The following DPP4 variants were observed in gnomAD, a reference collection of about 807,000 sequenced individuals.
DPP4 encodes the protein dipeptidyl peptidase 4.
In DPP4, 93 loss-of-function variants were observed where a neutral mutation model predicts 122.4. That is an observed-to-expected ratio of 0.76 (90% CI 0.64 to 0.90). The LOEUF is 0.90. Among genes scored for constraint, DPP4 ranks in the 40% least tolerant of loss-of-function variants. The pLI is 0.00. For missense variants in DPP4, 914 were observed against 907.3 expected, an observed-to-expected ratio of 1.01 and a Z score of -0.09; for synonymous variants, 321 against 302.9, an observed-to-expected ratio of 1.06 and a Z score of -0.62.
chr2:162,022,939 G>T, intron 11 of DPP4, 140 bp from the exon 12 acceptor site: 1 of 893,202 alleles, frequency 1.1e-6, no homozygotes. Flanking sequence ...ATTTATGTTA[G>T]TATTTTTCAA....
chr2:162,018,234 C>A (rs943781754), intron 16 of DPP4, among the ~76,000 whole-genome samples: 1 of 152,170 alleles, frequency 6.6e-6, no homozygotes, highest in Admixed American at 6.5e-5. Context: ...AGGGATGGCT[C>A]GGGCGGCAGA....
At chr2:162,027,855 G>C (rs932666483) in intron 10 of DPP4, among the ~76,000 whole-genome samples, 1 of 152,088 alleles carries the variant, frequency 6.6e-6, no homozygotes, top group South Asian at 2.1e-4. Context: ...CCCATTTTCA[G>C]ATCAAAGGTT....
chr2:162,009,476 G>C (rs982540789), intron 20 of DPP4, among the ~76,000 whole-genome samples, 181 bp from the exon 21 acceptor site: 1 of 151,314 alleles, frequency 6.6e-6, no homozygotes, highest in Non-Finnish European at 1.5e-5. Flanking sequence ...CTAAGATCCA[G>C]ATGAACATGG....
chr2:162,046,638 C>T (rs1235063924), intron 4 of DPP4: 1 of 522,140 alleles, frequency 1.9e-6, no homozygotes, highest in African/African-American at 1.9e-5. Context: ...ATGAAATTCA[C>T]CAAAGGAGAG....
Position 162,033,624 on chromosome 2 carries a change from G to C in DPP4, c.804C>G (p.Phe268Leu). The change falls in exon 10 of 26, where the codon TTC becomes TTG. Residue 268 changes from phenylalanine to leucine, a missense_variant. Coordinates refer to ENST00000360534, the MANE Select transcript of DPP4 (RefSeq NM_001935.4). ...TGAGAGAGTCTGTATTTACAACAAA[G>C]AACTTTACAGTTGGATTCACAGCTC... Reference protein sequence around the residue: ...KAGAVNPTVKFFVVNTDSLSS... With the variant: ...KAGAVNPTVKLFVVNTDSLSS... The C allele has an allele frequency of 1.2e-6, 2 of 1,608,248 alleles. No individual in the cohort carries two copies. Among genetic ancestry groups the C allele is most frequent in the East Asian group, 2.3e-5 (1 of 44,330 alleles).
Position 162,074,080 on chromosome 2 carries a change from G to T in DPP4, c.-99C>A. The T allele has an allele frequency of 6.6e-7, 1 of 1,512,068 alleles. No individual in the cohort carries two copies. Among genetic ancestry groups the T allele is most frequent in the Non-Finnish European group, 8.8e-7 (1 of 1,130,978 alleles). 93.7% of individuals were successfully genotyped at this position (1,512,068 alleles called of 1,614,324 possible). On this transcript the variant is annotated 5_prime_UTR_variant, in exon 1 of 26. Coordinates refer to ENST00000360534, the MANE Select transcript of DPP4 (RefSeq NM_001935.4). ...GCGTCCTGCACCGCTGCTCCGGGCG[G>T]TGGAGTCACTCGCCGCTGGCAAGTT...
chr2:162,002,126 T>C (rs1369459640), intron 23 of DPP4, among the ~76,000 whole-genome samples: 2 of 152,208 alleles, frequency 1.3e-5, no homozygotes, highest in Admixed American at 1.3e-4. Context: ...GACACAGCCC[T>C]GGAGGTGTAG....
At chr2:162,028,232 C>A (rs183250283) in intron 10 of DPP4, among the ~76,000 whole-genome samples, 1 of 151,790 alleles carries the variant, frequency 6.6e-6, no homozygotes, top group African/African-American at 2.4e-5. Context: ...CATGGTGGGG[C>A]GCATCTGTAA....
At chr2:162,034,680 A>G (rs911698936) in intron 9 of DPP4, among the ~76,000 whole-genome samples, 28 of 152,190 alleles carry the variant, frequency 1.8e-4, no homozygotes, top group Non-Finnish European at 3.7e-4. Flanking sequence ...AAGACGTGAC[A>G]CTATTATTCC....
chr2:162,067,717 T>TGA (rs1487144387), intron 2 of DPP4, among the ~76,000 whole-genome samples: 1 of 152,284 alleles, frequency 6.6e-6, no homozygotes, highest in East Asian at 1.9e-4. Flanking sequence ...ACTCTCAAAT[T>TGA]GAGAGACACA....
chr2:162,044,360 T>C (rs543778996), intron 5 of DPP4, among the ~76,000 whole-genome samples: 11 of 152,048 alleles, frequency 7.2e-5, no homozygotes, highest in Middle Eastern at 3.4e-3. Context: ...GTAAATGCAG[T>C]AGGGAATGGT....
chr2:162,063,725 A>G (rs1227244984), intron 2 of DPP4, among the ~76,000 whole-genome samples: 1 of 151,546 alleles, frequency 6.6e-6, no homozygotes, highest in African/African-American at 2.4e-5. Context: ...TTAAGAGAAA[A>G]AAAGGGAGAG....
In DPP4 at chr2:162,073,330, T is replaced by A; in HGVS notation, c.94+69A>T. 3.3e-6 allele frequency: 5 copies of A among 1,529,594 alleles called. No individual in the cohort carries two copies. The South Asian group carries it at 4.5e-5, about 14-fold the overall frequency. The allele number at this position is 1,529,594 out of a possible 1,614,324, so 94.8% of individuals were successfully genotyped here. A position where few individuals can be genotyped will look rare whatever the true frequency, so the allele number is the denominator to read the frequency against. The stretch of plus-strand genomic sequence containing the variant: ...CCCCACGCAAAATCCCTCGTTTCCC[T>A]TAGCGTGGTAAGACGGAGCCTGACC... On this transcript the variant is annotated intron_variant, in intron 2 of 25. Transcript: ENST00000360534.
chr2:162,044,610 A>C (rs2106131599), intron 5 of DPP4, among the ~76,000 whole-genome samples: 1 of 152,316 alleles, frequency 6.6e-6, no homozygotes, highest in East Asian at 1.9e-4. Flanking sequence ...ACAAATTTGT[A>C]ATCTTCACTA....
rs1285668344 is a variant in DPP4 at position 162,060,998 on chromosome 2, CTCCCTCCCTCCT to C, written c.94+12389_94+12400del. ...CTTCCTTCCCTCCCTCCCTCCCTCC[CTCCCTCCCTCCT>C]TCCTTCCTTCCTTCCTTCCTTCCTT... On this transcript the variant is annotated intron_variant, in intron 2 of 25. Transcript: ENST00000360534. Among the ~76,000 whole-genome samples, 41 of 120,930 alleles carry C rather than the reference CTCCCTCCCTCCT, an allele frequency of 3.4e-4. No individual in the cohort carries two copies. In the East Asian group the frequency reaches 6.0e-3, roughly 18 times the overall value. The allele number at this position is 120,930 out of a possible 152,430, so 79.3% of individuals were successfully genotyped here. A position where few individuals can be genotyped will look rare whatever the true frequency, so the allele number is the denominator to read the frequency against.
chr2:162,044,494 T>C (rs1433946383), intron 5 of DPP4, among the ~76,000 whole-genome samples: 4 of 151,662 alleles, frequency 2.6e-5, no homozygotes, highest in Admixed American at 2.6e-4. Context: ...GTGTGAGTGT[T>C]GGTGTGTGAG....
chr2:162,013,143 G>GA (rs5835890), intron 19 of DPP4, among the ~76,000 whole-genome samples: 52 of 142,284 alleles, frequency 3.7e-4, no homozygotes, highest in Non-Finnish European at 5.2e-4. Flanking sequence ...TTTTAAAATA[G>GA]AAAAAAAAAA....
At chr2:161,995,105 A>C in intron 24 of DPP4, 71 bp from the exon 25 acceptor site, 1 of 1,528,144 alleles carries the variant, frequency 6.5e-7, no homozygotes, top group Non-Finnish European at 9.1e-7. Context: ...GGGGTGGGAA[A>C]GGCACAAGAA....
In DPP4 at chr2:162,073,474, C is replaced by G. The variant is rs1129598; in HGVS notation, c.19G>C (p.Val7Leu). Residue 7 changes from valine (V) to leucine (L), a missense_variant, in exon 2 of 26, where the codon GTT becomes CTT. By Grantham distance (32) the Val-to-Leu change is conservative. Coordinates refer to ENST00000360534, the MANE Select transcript of DPP4 (RefSeq NM_001935.4). MKTPWKVLLGLLGAAAL... is the reference protein window; with the variant it reads MKTPWKLLLGLLGAAAL... ...GCAGCACCCAGCAGTCCCAGAAGAACCTTCCACGGTGTCTGCAAGCCGAGC... is the reference window on the plus strand; with the variant it reads ...GCAGCACCCAGCAGTCCCAGAAGAAGCTTCCACGGTGTCTGCAAGCCGAGC... The G allele has an allele frequency of 1.2e-6, 2 of 1,613,956 alleles. No individual in the cohort carries two copies. The highest frequency in any genetic ancestry group is 1.7e-6 in the Non-Finnish European group (2 of 1,180,028).
Sources: allele counts gnomAD v4.1 joint callset (sites outside exome capture counted in the v4.1 genomes callset), GRCh38; gene constraint gnomAD v4.1.1; transcripts MANE v1.5; gene names NCBI Gene and HGNC (gene_info 2026-07-23, HGNC 2026-07-21).